The following SKIC2 variants were observed in gnomAD, a reference collection of about 807,000 sequenced individuals.
The protein encoded by SKIC2 is SKI2 subunit of superkiller complex.
chr6:31,962,932 G>C, the SKIC2 span: 2 of 1,447,402 alleles, frequency 1.4e-6, no homozygotes, highest in Non-Finnish European at 1.9e-6. This position sits in a 1 kb window ranked among gnomAD's most constrained non-coding sequence, Gnocchi z 5.0. Context: ...CTCTTTATGG[G>C]CAGAAGGGCG....
the SKIC2 span, chr6:31,965,691 C>A: frequency 4.1e-6 from 3 of 734,756 alleles, no homozygotes; most frequent in South Asian, 1.6e-5. The surrounding 1 kb of genome is among the most constrained non-coding windows in gnomAD (Gnocchi z 5.6). Flanking sequence ...GGGATGGTGC[C>A]TTATGCCTAC....
chr6:31,969,063 G>C, the SKIC2 span: 1 of 1,611,634 alleles, frequency 6.2e-7, no homozygotes, highest in Non-Finnish European at 8.5e-7. The surrounding 1 kb of genome is among the most constrained non-coding windows in gnomAD (Gnocchi z 6.1). Flanking sequence ...GGACGCTGGG[G>C]ATCAGCTCCC....
the SKIC2 span, chr6:31,963,098 C>T: frequency 4.2e-5 from 67 of 1,595,870 alleles, no homozygotes; most frequent in South Asian, 2.4e-4. The surrounding 1 kb of genome is among the most constrained non-coding windows in gnomAD (Gnocchi z 5.3). Flanking sequence ...TTGGGTGAGA[C>T]GTGTGTCCCG....
chr6:31,965,640 A>G, the SKIC2 span: 2 of 570,568 alleles, frequency 3.5e-6, no homozygotes, highest in Non-Finnish European at 6.3e-6. The surrounding 1 kb of genome is among the most constrained non-coding windows in gnomAD (Gnocchi z 5.6). Flanking sequence ...TGCCCTATAG[A>G]TTTGCCTGGA....
At chr6:31,967,737 G>C in the SKIC2 span, 2 of 1,613,016 alleles carry the variant, frequency 1.2e-6, no homozygotes, top group Non-Finnish European at 1.7e-6. The surrounding 1 kb of genome is among the most constrained non-coding windows in gnomAD (Gnocchi z 4.9). Flanking sequence ...TCCACCAGCA[G>C]AGTATTCACA....
At chr6:31,963,838 C>T in the SKIC2 span, 1 of 1,465,666 alleles carries the variant, frequency 6.8e-7, no homozygotes, top group Non-Finnish European at 9.5e-7. This position sits in a 1 kb window ranked among gnomAD's most constrained non-coding sequence, Gnocchi z 5.3. Context: ...AGCACTGCCC[C>T]AGTTAACACT....
chr6:31,968,664 G>T, the SKIC2 span: 1 of 1,599,208 alleles, frequency 6.3e-7, no homozygotes, highest in Non-Finnish European at 8.6e-7. The surrounding 1 kb of genome is among the most constrained non-coding windows in gnomAD (Gnocchi z 6.1). Flanking sequence ...CAAGGAGAAG[G>T]CTGACGGGTG....
At chr6:31,963,460 C>T in the SKIC2 span, 1 of 1,611,550 alleles carries the variant, frequency 6.2e-7, no homozygotes, top group Admixed American at 1.7e-5. The surrounding 1 kb of genome is among the most constrained non-coding windows in gnomAD (Gnocchi z 5.3). Context: ...GTAACCCGCC[C>T]CGTGCCCCTG....
At chr6:31,961,094 G>T in the SKIC2 span, 2 of 1,613,396 alleles carry the variant, frequency 1.2e-6, no homozygotes, top group South Asian at 1.1e-5. Context: ...TGCACCAAAA[G>T]GTTAGTTTTA....
chr6:31,961,650 G>A, the SKIC2 span: 36 of 1,612,580 alleles, frequency 2.2e-5, 1 homozygote, highest in Non-Finnish European at 2.8e-5. Flanking sequence ...GATTTCTATC[G>A]CCTCATTCCC....
the SKIC2 span, chr6:31,963,465 C>A: frequency 1.2e-6 from 2 of 1,611,248 alleles, no homozygotes. This position sits in a 1 kb window ranked among gnomAD's most constrained non-coding sequence, Gnocchi z 5.3. Flanking sequence ...CCGCCCCGTG[C>A]CCCTGGAGCA....
At chr6:31,967,850 T>G in the SKIC2 span, 1 of 1,612,968 alleles carries the variant, frequency 6.2e-7, no homozygotes, top group African/African-American at 1.3e-5. The surrounding 1 kb of genome is among the most constrained non-coding windows in gnomAD (Gnocchi z 4.9). Flanking sequence ...ATTCAAGCTG[T>G]TCCTGCCTGA....
At chr6:31,967,992 G>A in the SKIC2 span, 35 of 1,612,962 alleles carry the variant, frequency 2.2e-5, no homozygotes, top group Non-Finnish European at 2.9e-5. This position sits in a 1 kb window ranked among gnomAD's most constrained non-coding sequence, Gnocchi z 4.9. Flanking sequence ...CTCCAGCCAG[G>A]AGATATGGCT....
chr6:31,968,254 C>A, the SKIC2 span: 1 of 1,455,638 alleles, frequency 6.9e-7, no homozygotes, highest in African/African-American at 1.4e-5. The surrounding 1 kb of genome is among the most constrained non-coding windows in gnomAD (Gnocchi z 6.1). Context: ...AGTAAGAGGG[C>A]TTCCACAGCC....
chr6:31,960,346 T>G, the SKIC2 span: 9 of 1,609,466 alleles, frequency 5.6e-6, no homozygotes, highest in South Asian at 6.6e-5. Context: ...AGGTAGGAGG[T>G]CAGGGGTCAT....
chr6:31,964,117 C>T, the SKIC2 span: 13 of 1,612,542 alleles, frequency 8.1e-6, no homozygotes, highest in Non-Finnish European at 1.1e-5. This position sits in a 1 kb window ranked among gnomAD's most constrained non-coding sequence, Gnocchi z 5.0. Flanking sequence ...TGACCGCCAG[C>T]TGCCCCAGGT....
At chr6:31,967,701 C>G in the SKIC2 span, 1 of 1,612,490 alleles carries the variant, frequency 6.2e-7, no homozygotes, top group African/African-American at 1.3e-5. This position sits in a 1 kb window ranked among gnomAD's most constrained non-coding sequence, Gnocchi z 4.9. Context: ...CCTGGCCTCT[C>G]TGACCACCCC....
At chr6:31,959,394 GAGT>G in the SKIC2 span, 1 of 1,609,896 alleles carries the variant, frequency 6.2e-7, no homozygotes, top group South Asian at 1.1e-5. Context: ...GAGCTCCAGA[GAGT>G]AGCGTGAGTG....
the SKIC2 span, chr6:31,969,512 C>T: frequency 6.2e-7 from 1 of 1,613,174 alleles, no homozygotes; most frequent in Non-Finnish European, 8.5e-7. The surrounding 1 kb of genome is among the most constrained non-coding windows in gnomAD (Gnocchi z 6.1). Context: ...ACTTTCCCCA[C>T]AGCCCTTCTC....
Sources: allele counts gnomAD v4.1 joint callset, GRCh38; gene constraint gnomAD v4.1.1; non-coding constraint Gnocchi (gnomAD v3.1); transcripts MANE v1.5; gene names NCBI Gene and HGNC (gene_info 2026-07-23, HGNC 2026-07-21).